Variants in DLG2 observed in about 807,000 individuals in gnomAD.
DLG2 encodes discs large MAGUK scaffold protein 2, also known as disks large homolog 2.
In DLG2, 45 loss-of-function variants were observed where a neutral mutation model predicts 132.5. The ratio of observed to expected loss-of-function variants is 0.34; its 90% CI spans 0.27 to 0.44. DLG2 has a LOEUF of 0.44. Ranked by LOEUF, DLG2 falls within the 20% of genes least tolerant of loss-of-function variation. The pLI is 1.00. For missense variants in DLG2, 1,045 were observed against 1,196.9 expected (o/e 0.87, Z 1.87); for synonymous variants, 424 against 419.6 (o/e 1.01, Z -0.13).
chr11:85,239,952 T>A (rs1453186184), intron 4 of DLG2, among the ~76,000 whole-genome samples: 2 of 151,928 alleles, frequency 1.3e-5, no homozygotes, highest in Non-Finnish European at 2.9e-5. Context: ...GATATGCAAA[T>A]GTTCAATTTT....
intron 18 of DLG2, among the ~76,000 whole-genome samples, chr11:83,683,081 G>A (rs950199167): frequency 1.3e-5 from 2 of 152,162 alleles, no homozygotes; most frequent in Non-Finnish European, 2.9e-5. Context: ...ATCATTAATA[G>A]GCAGGCTTCA....
intron 7 of DLG2, among the ~76,000 whole-genome samples, chr11:84,405,073 AG>A: frequency 6.6e-6 from 1 of 152,298 alleles, no homozygotes; most frequent in Admixed American, 6.5e-5. Context: ...AATAAGGAAG[AG>A]GGGGGAGAAT....
At chr11:84,942,460 C>A (rs1004052170) in intron 6 of DLG2, among the ~76,000 whole-genome samples, 2 of 152,036 alleles carry the variant, frequency 1.3e-5, no homozygotes, top group African/African-American at 4.8e-5. Flanking sequence ...TTAACATTTC[C>A]TTTATTGACA....
chr11:83,813,616 G>A (rs769578386), intron 17 of DLG2, among the ~76,000 whole-genome samples: 3 of 152,218 alleles, frequency 2.0e-5, no homozygotes, highest in African/African-American at 2.4e-5. Context: ...TCAGTTAGGC[G>A]ATACATGGTT....
intron 3 of DLG2, among the ~76,000 whole-genome samples, chr11:85,403,260 C>T (rs2088361640): frequency 6.6e-6 from 1 of 152,016 alleles, no homozygotes; most frequent in Non-Finnish European, 1.5e-5. Context: ...CCAAACACCG[C>T]ATATTCACAC....
At chr11:84,996,556 A>AT (rs922548916) in intron 6 of DLG2, among the ~76,000 whole-genome samples, 1 of 152,042 alleles carries the variant, frequency 6.6e-6, no homozygotes, top group Middle Eastern at 3.2e-3. Flanking sequence ...CAGAGACTGT[A>AT]TTTTTTTGCT....
intron 12 of DLG2, among the ~76,000 whole-genome samples, chr11:83,972,573 C>A (rs145763617): frequency 1.7e-4 from 26 of 152,200 alleles, no homozygotes; most frequent in African/African-American, 5.3e-4. Flanking sequence ...AGATCATATT[C>A]ATCTCTATTC....
chr11:84,283,154 C>T (rs1253853726), intron 7 of DLG2, among the ~76,000 whole-genome samples: 1 of 152,176 alleles, frequency 6.6e-6, no homozygotes, highest in African/African-American at 2.4e-5. Context: ...GACTTTACAA[C>T]TGACACTAAA....
chr11:84,594,622 T>C (rs1446863348), intron 6 of DLG2, among the ~76,000 whole-genome samples: 1 of 152,156 alleles, frequency 6.6e-6, no homozygotes, highest in African/African-American at 2.4e-5. Context: ...AAAATTAGAC[T>C]AGGCCACACA....
chr11:84,078,860 C>T (rs1312304530), intron 10 of DLG2, among the ~76,000 whole-genome samples: 1 of 152,178 alleles, frequency 6.6e-6, no homozygotes, highest in Non-Finnish European at 1.5e-5. Flanking sequence ...TCCATATCCA[C>T]GTTCAACTGC....
chr11:85,260,243 C>G (rs2076873582), intron 4 of DLG2, among the ~76,000 whole-genome samples: 1 of 152,196 alleles, frequency 6.6e-6, no homozygotes, highest in South Asian at 2.1e-4. Flanking sequence ...AGTACTCAGG[C>G]ACAATATCTC....
intron 19 of DLG2, among the ~76,000 whole-genome samples, chr11:83,612,197 T>A (rs750120585): frequency 3.9e-5 from 6 of 152,228 alleles, no homozygotes; most frequent in Non-Finnish European, 7.3e-5. Context: ...TTTACTTGCA[T>A]ATACAGGCAC....
chr11:83,964,034 G>A (rs1295901587), intron 13 of DLG2, among the ~76,000 whole-genome samples: 1 of 151,840 alleles, frequency 6.6e-6, no homozygotes, highest in Non-Finnish European at 1.5e-5. Context: ...ATATATCTGA[G>A]TTAGCCTTCC....
At chr11:85,100,773 A>G (rs1346472962) in intron 6 of DLG2, among the ~76,000 whole-genome samples, 1 of 152,082 alleles carries the variant, frequency 6.6e-6, no homozygotes, top group Non-Finnish European at 1.5e-5. Context: ...AGAAGAGAAA[A>G]ATCTGCTACT....
intron 7 of DLG2, among the ~76,000 whole-genome samples, chr11:84,405,112 CA>C (rs776583176): frequency 5.9e-5 from 9 of 151,980 alleles, no homozygotes; most frequent in Non-Finnish European, 1.2e-4. Flanking sequence ...AGGCAAAGGA[CA>C]AAATGAATGA....
chr11:85,025,522 C>G (rs2060440423), intron 6 of DLG2, among the ~76,000 whole-genome samples: 1 of 152,158 alleles, frequency 6.6e-6, no homozygotes. Flanking sequence ...TTGAAAGACA[C>G]AAAAGATGTC....
intron 6 of DLG2, among the ~76,000 whole-genome samples, chr11:84,626,213 T>G (rs925490568): frequency 3.3e-5 from 5 of 152,176 alleles, no homozygotes; most frequent in Admixed American, 3.3e-4. Flanking sequence ...AACTTATCAG[T>G]GGTTTCTAAA....
intron 5 of DLG2, among the ~76,000 whole-genome samples, chr11:85,150,356 C>T (rs1012754605): frequency 6.6e-6 from 1 of 152,026 alleles, no homozygotes; most frequent in Non-Finnish European, 1.5e-5. Context: ...TAAGAAGAAC[C>T]ACATAACCTT....
intron 17 of DLG2, among the ~76,000 whole-genome samples, chr11:83,832,795 T>C (rs2054939873): frequency 6.6e-6 from 1 of 152,168 alleles, no homozygotes; most frequent in African/African-American, 2.4e-5. Context: ...AGGTGCTTAA[T>C]ACATTGTTGC....
Sources: gnomAD v4.1 joint callset for allele counts (sites outside exome capture counted in the v4.1 genomes callset) on GRCh38, gnomAD v4.1.1 for gene constraint, MANE v1.5 for transcripts, NCBI Gene and HGNC (gene_info 2026-07-23, HGNC 2026-07-21) for gene names.